The following RTN1 variants were observed in gnomAD, a reference collection of about 807,000 sequenced individuals.
RTN1 encodes reticulon-1.
A neutral mutation model predicts 65.5 loss-of-function variants in RTN1; 25 were observed. The observed-to-expected ratio is 0.38, with a 90% CI of 0.28 to 0.53. The LOEUF is 0.53. Among genes scored for constraint, RTN1 ranks in the 20% least tolerant of loss-of-function variants. The pLI is 0.79. For synonymous variants in RTN1, 471 were observed against 447.6 expected (o/e 1.05, Z -0.66); for missense variants, 983 against 1,025.4 (o/e 0.96, Z 0.57).
intron 3 of RTN1, among the ~76,000 whole-genome samples, chr14:59,676,612 A>G (rs1883633195): frequency 6.6e-6 from 1 of 152,204 alleles, no homozygotes; most frequent in African/African-American, 2.4e-5. Context: ...AGGAGGCAGG[A>G]CAACATGAAA....
At chr14:59,828,819 T>C (rs1201630804) in intron 1 of RTN1, among the ~76,000 whole-genome samples, 1 of 152,210 alleles carries the variant, frequency 6.6e-6, no homozygotes, top group Non-Finnish European at 1.5e-5. Context: ...ATGAAAATCT[T>C]AACTCAAAAG....
At chr14:59,777,145 G>A (rs569393933) in intron 1 of RTN1, among the ~76,000 whole-genome samples, 1 of 152,266 alleles carries the variant, frequency 6.6e-6, no homozygotes, top group Non-Finnish European at 1.5e-5. Flanking sequence ...AGAAGAGTAA[G>A]AGACTCTACC....
Position 59,852,120 on chromosome 14 carries a change from A to C in RTN1, c.241+18270T>G, listed in dbSNP as rs138892123. 1.5e-3 allele frequency among the ~76,000 whole-genome samples: 225 copies of C among 152,290 alleles called. 2 individuals carry two copies. Among genetic ancestry groups the C allele is most frequent in the African/African-American group, 4.9e-3 (204 of 41,574 alleles). ...ATTTACTCTTGTATTATCTATAATA[A>C]AAGGTTTGCTAAACAAATTGATAGT... On this transcript the variant is annotated intron_variant, in intron 1 of 8. Transcript: ENST00000267484.
chr14:59,607,672 G>T, intron 3 of RTN1, 180 bp from the exon 4 acceptor site: 1 of 613,798 alleles, frequency 1.6e-6, no homozygotes, highest in Non-Finnish European at 2.9e-6. Flanking sequence ...ACTTTGGTTT[G>T]GAAGAATCTT....
intron 1 of RTN1, among the ~76,000 whole-genome samples, chr14:59,848,495 TATAAC>T (rs1887448613): frequency 6.6e-6 from 1 of 152,268 alleles, no homozygotes; most frequent in Non-Finnish European, 1.5e-5. Context: ...TTCAAAGTGA[TATAAC>T]ATATGAAGGT....
chr14:59,616,101 T>C (rs1398209982), intron 3 of RTN1, among the ~76,000 whole-genome samples: 2 of 152,186 alleles, frequency 1.3e-5, no homozygotes, highest in African/African-American at 4.8e-5. Context: ...TTTGGCTTAT[T>C]TGGTACAAAA....
chr14:59,807,204 A>G (rs1193822717), intron 1 of RTN1, among the ~76,000 whole-genome samples: 1 of 152,196 alleles, frequency 6.6e-6, no homozygotes, highest in Non-Finnish European at 1.5e-5. Context: ...GTGAGGTGGC[A>G]TGTGGCTGCA....
At chr14:59,718,729 A>G (rs1326617586) in intron 3 of RTN1, among the ~76,000 whole-genome samples, 1 of 152,240 alleles carries the variant, frequency 6.6e-6, no homozygotes, top group African/African-American at 2.4e-5. Context: ...AAGCAGACAC[A>G]CAAAAAAACG....
intron 1 of RTN1, among the ~76,000 whole-genome samples, chr14:59,867,325 T>C (rs957073324): frequency 1.3e-5 from 2 of 152,244 alleles, no homozygotes; most frequent in East Asian, 3.8e-4. Flanking sequence ...TATTAGATGA[T>C]GGCACTTTTA....
chr14:59,639,766 T>A (rs970563924), intron 3 of RTN1, among the ~76,000 whole-genome samples: 2 of 152,212 alleles, frequency 1.3e-5, no homozygotes, highest in Admixed American at 6.5e-5. Flanking sequence ...ATCAAATACT[T>A]TTTCTAAAGC....
intron 3 of RTN1, among the ~76,000 whole-genome samples, chr14:59,726,089 T>C (rs1884753508): frequency 6.6e-6 from 1 of 152,232 alleles, no homozygotes; most frequent in African/African-American, 2.4e-5. Context: ...GGACCTCACT[T>C]AGTCATGTGA....
At chr14:59,705,747 C>A (rs1884277949) in intron 3 of RTN1, among the ~76,000 whole-genome samples, 1 of 152,186 alleles carries the variant, frequency 6.6e-6, no homozygotes, top group African/African-American at 2.4e-5. Flanking sequence ...CTTTATTACA[C>A]CTATTTGTTT....
chr14:59,756,102 G>C (rs1415727702), intron 1 of RTN1, among the ~76,000 whole-genome samples: 1 of 152,224 alleles, frequency 6.6e-6, no homozygotes, highest in Non-Finnish European at 1.5e-5. Flanking sequence ...TTAGCAGACA[G>C]ACTAGGGCCT....
chr14:59,625,924 GA>G lies in RTN1; in HGVS notation c.1766-18433del, dbSNP rs941729982. Among the ~76,000 whole-genome samples, 79 of 151,828 alleles carry G rather than the reference GA, an allele frequency of 5.2e-4. 1 individual carries two copies. The highest frequency in any genetic ancestry group is 8.4e-4 in the South Asian group (4 of 4,788). On this transcript the variant is annotated intron_variant, in intron 3 of 8. Coordinates refer to ENST00000267484, the MANE Select transcript of RTN1 (RefSeq NM_021136.3). ...ATACGAGTTTTCTTTCACTAAGGGGGAAAAAAAATCCCCTTCTCCCCAGCTA... is the reference window on the plus strand; with the variant it reads ...ATACGAGTTTTCTTTCACTAAGGGGGAAAAAAATCCCCTTCTCCCCAGCTA...
chr14:59,682,787 T>C (rs762426155), intron 3 of RTN1, among the ~76,000 whole-genome samples: 1 of 152,166 alleles, frequency 6.6e-6, no homozygotes, highest in Admixed American at 6.5e-5. Flanking sequence ...TTCCTCATAA[T>C]TCTATGATTA....
chr14:59,750,256 A>AT (rs1566713468), intron 1 of RTN1, among the ~76,000 whole-genome samples: 3 of 26,446 alleles, frequency 1.1e-4, no homozygotes, highest in African/African-American at 4.9e-4. Context: ...TATAATATAT[A>AT]ATATATATAA....
At chr14:59,864,465 A>C (rs1887763358) in intron 1 of RTN1, among the ~76,000 whole-genome samples, 2 of 151,992 alleles carry the variant, frequency 1.3e-5, no homozygotes, top group South Asian at 4.2e-4. Flanking sequence ...CTCTGTTTTG[A>C]CCTTTTTCAC....
chr14:59,675,464 T>G (rs2140218021), intron 3 of RTN1, among the ~76,000 whole-genome samples: 1 of 151,266 alleles, frequency 6.6e-6, no homozygotes, highest in South Asian at 2.1e-4. Context: ...GCGCTATAAT[T>G]TATTGAGCAC....
intron 3 of RTN1, among the ~76,000 whole-genome samples, chr14:59,625,975 T>C (rs1882386497): frequency 6.6e-6 from 1 of 152,196 alleles, no homozygotes; most frequent in Non-Finnish European, 1.5e-5. Context: ...TTGGATCCCA[T>C]TAGAATCTTT....
Sources: gnomAD v4.1 joint callset for allele counts (sites outside exome capture counted in the v4.1 genomes callset) on GRCh38, gnomAD v4.1.1 for gene constraint, MANE v1.5 for transcripts, NCBI Gene and HGNC (gene_info 2026-07-23, HGNC 2026-07-21) for gene names.